Variants in ATP13A5 observed in about 807,000 individuals in gnomAD.
The protein encoded by ATP13A5 is ATPase 13A5.
In ATP13A5, 149 loss-of-function variants were observed where a neutral mutation model predicts 150.2. The observed-to-expected ratio is 0.99, with a 90% CI of 0.87 to 1.14. The LOEUF is 1.14. ATP13A5 is among the 50% of genes most tolerant of loss of function. The pLI, the probability that ATP13A5 is intolerant of heterozygous loss-of-function variation, is 0.00. For synonymous variants in ATP13A5, 497 were observed against 522.2 expected (o/e 0.95, Z 0.66); for missense variants, 1,383 against 1,449.3 (o/e 0.95, Z 0.74).
chr3:193,304,699 G>C (rs1718540871), intron 23 of ATP13A5, among the ~76,000 whole-genome samples: 1 of 152,136 alleles, frequency 6.6e-6, no homozygotes, highest in African/African-American at 2.4e-5. Context: ...GGAGTGGAGG[G>C]GAGGGAAGCA....
intron 25 of ATP13A5, among the ~76,000 whole-genome samples, chr3:193,292,007 A>T (rs1001110673): frequency 6.6e-6 from 1 of 152,104 alleles, no homozygotes; most frequent in Non-Finnish European, 1.5e-5. Context: ...TAGCCAACTA[A>T]TCAGAAGTTC....
chr3:193,374,406 T>A (rs1713565247), intron 1 of ATP13A5, among the ~76,000 whole-genome samples: 1 of 151,032 alleles, frequency 6.6e-6, no homozygotes, highest in South Asian at 2.1e-4. Context: ...ATTTTAGGAG[T>A]TCGAGGCAGG....
chr3:193,278,755 T>A (rs1010088849), intron 28 of ATP13A5, among the ~76,000 whole-genome samples: 7 of 152,194 alleles, frequency 4.6e-5, no homozygotes, highest in African/African-American at 1.7e-4. Context: ...TCTTTTCAAG[T>A]ATGGATAGCC....
intron 4 of ATP13A5, 28 bp downstream of exon 4, chr3:193,362,539 C>T (rs1452695580): frequency 6.2e-7 from 1 of 1,613,460 alleles, no homozygotes; most frequent in Non-Finnish European, 8.5e-7. Flanking sequence ...TATATCCTGA[C>T]CAAGGGGTGA....
intron 16 of ATP13A5, among the ~76,000 whole-genome samples, chr3:193,320,953 T>G (rs1298563844): frequency 6.6e-6 from 1 of 152,206 alleles, no homozygotes; most frequent in East Asian, 1.9e-4. Flanking sequence ...CTGATCACTT[T>G]TATTTCTGTT....
chr3:193,325,976 T>A (rs1461434390), intron 13 of ATP13A5, among the ~76,000 whole-genome samples: 3 of 152,174 alleles, frequency 2.0e-5, no homozygotes, highest in Non-Finnish European at 4.4e-5. Context: ...GGCCGGGACA[T>A]CTGAGCACCA....
intron 9 of ATP13A5, among the ~76,000 whole-genome samples, chr3:193,338,727 A>G (rs1021389951): frequency 6.6e-6 from 1 of 152,156 alleles, no homozygotes; most frequent in African/African-American, 2.4e-5. Context: ...AGGCTTTGGT[A>G]TCAGGATGAT....
chr3:193,325,392 T>A (rs565461672), intron 13 of ATP13A5, among the ~76,000 whole-genome samples: 17 of 152,372 alleles, frequency 1.1e-4, no homozygotes, highest in African/African-American at 3.8e-4. Context: ...AACATTTCTT[T>A]GAGTTGGATA....
chr3:193,283,636 C>G (rs1164098272), intron 27 of ATP13A5, among the ~76,000 whole-genome samples: 6 of 152,120 alleles, frequency 3.9e-5, no homozygotes, highest in Non-Finnish European at 7.3e-5. Context: ...CTCTCCAAAA[C>G]AACTGATAGA....
intron 9 of ATP13A5, 130 bp downstream of exon 9, chr3:193,343,797 C>T: frequency 9.7e-7 from 1 of 1,030,736 alleles, no homozygotes; most frequent in Non-Finnish European, 1.3e-6. Flanking sequence ...CATATAAATG[C>T]AAAGGCTGGC....
At chr3:193,276,266 TA>T (rs1333595851) in intron 29 of ATP13A5, among the ~76,000 whole-genome samples, 1 of 152,190 alleles carries the variant, frequency 6.6e-6, no homozygotes, top group African/African-American at 2.4e-5. Flanking sequence ...ACTAAGTGGG[TA>T]AAGTCATTTA....
chr3:193,343,784 C>G (rs1712216758), intron 9 of ATP13A5, 143 bp downstream of exon 9: 1 of 814,304 alleles, frequency 1.2e-6, no homozygotes, highest in Admixed American at 3.4e-5. Context: ...TATATTGTGT[C>G]TCCATATAAA....
chr3:193,281,550 A>G (rs745601489), intron 27 of ATP13A5, among the ~76,000 whole-genome samples: 5 of 152,156 alleles, frequency 3.3e-5, no homozygotes, highest in Non-Finnish European at 7.3e-5. Context: ...AAGGTTAGTA[A>G]TGTTCACATT....
At position 193,307,331 on chromosome 3, in the gene ATP13A5, C is replaced by T. The variant is rs753717942; in HGVS notation, c.2564G>A (p.Cys855Tyr). 1 of 1,613,910 alleles carries T rather than the reference C, an allele frequency of 6.2e-7. No individual in the cohort carries two copies. The highest frequency in any genetic ancestry group is 1.7e-5 in the Admixed American group (1 of 59,988). ...VGMCGDGAND[C>Y]GALKAAHAGI... is the part of the protein sequence containing the mutation. ...GCAAAAGCCATTTCTACTCACCCCA[C>T]AGTCGTTAGCTCCATCTCCACACAT... The change falls in exon 22 of 30, where the codon TGT becomes TAT. Residue 855 changes from cysteine to tyrosine, a missense_variant. Around this residue, in one of 3 missense-constraint regions of ATP13A5, gnomAD observed 568 missense variants for 621.5 expected, o/e 0.91. Transcript: ENST00000342358.
chr3:193,307,019 C>A, intron 22 of ATP13A5: 1 of 770,010 alleles, frequency 1.3e-6, no homozygotes, highest in Non-Finnish European at 1.6e-6. Flanking sequence ...CATTTCATTA[C>A]TGATAACAGG....
intron 1 of ATP13A5, among the ~76,000 whole-genome samples, chr3:193,364,516 A>C (rs116489641): frequency 6.6e-6 from 1 of 152,160 alleles, no homozygotes. Flanking sequence ...GAGTATGGAA[A>C]GGGCAGATTT....
At chr3:193,285,497 C>G (rs892513915) in intron 26 of ATP13A5, among the ~76,000 whole-genome samples, 1 of 152,176 alleles carries the variant, frequency 6.6e-6, no homozygotes, top group Non-Finnish European at 1.5e-5. Context: ...CTCCTATTTA[C>G]TTCCCTCAGA....
At chr3:193,332,696 A>G (rs1711680738) in intron 11 of ATP13A5, among the ~76,000 whole-genome samples, 1 of 152,076 alleles carries the variant, frequency 6.6e-6, no homozygotes, top group South Asian at 2.1e-4. Context: ...TTTTGACCCT[A>G]AGGACTCAGC....
intron 5 of ATP13A5, among the ~76,000 whole-genome samples, chr3:193,360,623 T>C (rs1194656450): frequency 6.6e-6 from 1 of 152,250 alleles, no homozygotes; most frequent in Non-Finnish European, 1.5e-5. Context: ...TTCTTCATAT[T>C]TGGAAAATGA....
Sources: gnomAD v4.1 joint callset for allele counts (sites outside exome capture counted in the v4.1 genomes callset) on GRCh38, gnomAD v4.1.1 for gene constraint, gnomAD v4.1.1 regional missense constraint, MANE v1.5 for transcripts, NCBI Gene and HGNC (gene_info 2026-07-23, HGNC 2026-07-21) for gene names.